CENPI: variants seen among roughly 807,000 people sequenced by gnomAD.
The protein encoded by CENPI is FSH primary response 1.
CENPI carries 4 observed loss-of-function variants against 60.4 expected under a neutral mutation model. The ratio of observed to expected loss-of-function variants is 0.07; its 90% CI spans 0.03 to 0.15. The LOEUF is 0.15. CENPI is among the 10% of genes least tolerant of loss of function. The pLI is 1.00. For synonymous variants in CENPI, 157 were observed against 189.4 expected, an observed-to-expected ratio of 0.83 and a Z score of 1.40; for missense variants, 444 against 534.5, an observed-to-expected ratio of 0.83 and a Z score of 1.67.
chrX:101,108,663 GA>G (rs2089514908), intron 4 of CENPI, among the ~76,000 whole-genome samples: 1 of 66,681 alleles, frequency 1.5e-5, no homozygotes, highest in Admixed American at 1.6e-4. Flanking sequence ...TTTTTTTTTT[GA>G]GAGAGGGTCT....
At chrX:101,126,918 G>C in intron 9 of CENPI, 120 bp downstream of exon 9, 1 of 721,937 alleles carries the variant, frequency 1.4e-6, no homozygotes. Flanking sequence ...TAGTATTGTG[G>C]TACTGTTTTG....
Position 101,101,123 on chromosome X carries a change from A to C in CENPI, c.53A>C (p.Gln18Pro). 1.7e-6 allele frequency: 2 copies of C among 1,211,648 alleles called. No individual in the cohort carries two copies. The highest frequency in any genetic ancestry group is 2.2e-6 in the Non-Finnish European group (2 of 895,355). ...KNVQAQNRTSQGSSSFQTTLS... is the reference protein window; with the variant it reads ...KNVQAQNRTSPGSSSFQTTLS... ...GTCCAGGCACAAAACAGGACTTCAC[A>C]AGGTAGTAGTAGTTTTCAGACCACG... Residue 18 changes from glutamine (Q) to proline (P), a missense_variant, in exon 3 of 22, where the codon CAA (glutamine) becomes CCA (proline). By Grantham distance (76) the Gln-to-Pro change is moderately conservative. Coordinates refer to ENST00000682095, the MANE Select transcript of CENPI (RefSeq NM_001386188.2).
At chrX:101,168,376 G>A (rs920469962), downstream of CENPI, among the ~76,000 whole-genome samples, 1 of 111,794 alleles carries the variant, frequency 8.9e-6, no homozygotes, top group Non-Finnish European at 1.9e-5. Context: ...GACCACCCTG[G>A]CCAACATGGC....
chrX:101,107,349 AT>A (rs78907384), intron 4 of CENPI, among the ~76,000 whole-genome samples: 2 of 107,864 alleles, frequency 1.9e-5, no homozygotes, highest in Admixed American at 1.0e-4. Context: ...CATAAAATTC[AT>A]TTTTTTTCTT....
Position 101,163,093 on chromosome X carries a change from C to T in CENPI, c.*126C>T. 1 of 714,188 alleles carries T rather than the reference C, an allele frequency of 1.4e-6. No homozygotes were observed. Among genetic ancestry groups the T allele is most frequent in the Non-Finnish European group, 2.1e-6 (1 of 478,530 alleles). 58.9% of individuals were successfully genotyped at this position (714,188 alleles called of 1,213,427 possible). A position where few individuals can be genotyped will look rare whatever the true frequency, so the allele number is the denominator to read the frequency against. ...CTGCCATCCTCAAGGAGTACTCAGA[C>T]TGGCCTTCTGTTCATGGCTTAGGAG... is the stretch of plus-strand genomic sequence containing the variant. On this transcript the variant is annotated 3_prime_UTR_variant, in exon 22 of 22. Transcript: ENST00000682095.
intron 2 of CENPI, among the ~76,000 whole-genome samples, chrX:101,099,114 CCTTT>C (rs1361775004): frequency 9.1e-6 from 1 of 110,207 alleles, no homozygotes; most frequent in Non-Finnish European, 1.9e-5. Context: ...TTCTTTCTTT[CCTTT>C]CTTTCTTCTT....
At chrX:101,162,706 C>T in intron 21 of CENPI, 127 bp from the exon 22 acceptor site, 10 of 675,228 alleles carry the variant, frequency 1.5e-5, no homozygotes, top group South Asian at 2.7e-5. Flanking sequence ...GAGCTCATTT[C>T]CCCCCCGAAC....
intron 16 of CENPI, 77 bp from the exon 17 acceptor site, chrX:101,144,987 A>C: frequency 1.2e-6 from 1 of 866,173 alleles, no homozygotes; most frequent in Non-Finnish European, 1.6e-6. Context: ...ATTTTGCTTT[A>C]TATTATTCAG....
chrX:101,131,917 A>G (rs2089799072), intron 13 of CENPI, among the ~76,000 whole-genome samples: 1 of 112,050 alleles, frequency 8.9e-6, no homozygotes, highest in Non-Finnish European at 1.9e-5. Flanking sequence ...ATTTTTTTAA[A>G]AATATTCTAT....
chrX:101,177,771 C>A, the CENPI span, among the ~76,000 whole-genome samples: 2 of 112,082 alleles, frequency 1.8e-5, no homozygotes, highest in Non-Finnish European at 3.8e-5. Flanking sequence ...CTGCTGGGGG[C>A]AGCAGGATCC....
intron 20 of CENPI, among the ~76,000 whole-genome samples, chrX:101,156,944 A>G (rs1569504173): frequency 9.0e-6 from 1 of 111,410 alleles, no homozygotes; most frequent in Non-Finnish European, 1.9e-5. Flanking sequence ...GCAGTTGCGA[A>G]TTCTGCTGCT....
At chrX:101,140,586 A>C in intron 15 of CENPI, 80 bp from the exon 16 acceptor site, 1 of 693,957 alleles carries the variant, frequency 1.4e-6, no homozygotes, top group Non-Finnish European at 2.2e-6. Flanking sequence ...GGTCCTTTTC[A>C]TCTCTAAGCC....
chrX:101,129,532 ATTC>A (rs60979111), intron 12 of CENPI, among the ~76,000 whole-genome samples: 33,831 of 109,577 alleles, frequency 0.31, 4,286 homozygotes, highest in African/African-American at 0.44. Context: ...TTCCAGGCCA[ATTC>A]TTCTTCTTCT....
the CENPI span, among the ~76,000 whole-genome samples, chrX:101,179,886 T>C: frequency 8.9e-6 from 1 of 112,073 alleles, no homozygotes; most frequent in Non-Finnish European, 1.9e-5. Flanking sequence ...TAATTCTATG[T>C]TTAAATTATT....
At chrX:101,179,675 A>G in the CENPI span, among the ~76,000 whole-genome samples, 6 of 111,073 alleles carry the variant, frequency 5.4e-5, no homozygotes, top group African/African-American at 1.6e-4. Flanking sequence ...CGCCTGCCAC[A>G]TGCCCAGATA....
At chrX:101,146,492 C>G (rs887380390) in intron 18 of CENPI, among the ~76,000 whole-genome samples, 2 of 111,208 alleles carry the variant, frequency 1.8e-5, no homozygotes, top group African/African-American at 6.5e-5. Context: ...AAAAAAAATT[C>G]ATAGTTAAGG....
At chrX:101,131,001 T>G (rs559034746) in intron 13 of CENPI, among the ~76,000 whole-genome samples, 1 of 111,144 alleles carries the variant, frequency 9.0e-6, no homozygotes, top group Admixed American at 9.7e-5. Flanking sequence ...AATTCTTTGT[T>G]TTTTTTTAGA....
chrX:101,106,236 CAAG>C (rs1375782428), intron 4 of CENPI, among the ~76,000 whole-genome samples: 1 of 111,335 alleles, frequency 9.0e-6, no homozygotes, highest in African/African-American at 3.3e-5. Context: ...ACAAGAAAAA[CAAG>C]AAACCACAAG....
At chrX:101,113,687 A>G (rs973793808) in intron 6 of CENPI, among the ~76,000 whole-genome samples, 1 of 112,116 alleles carries the variant, frequency 8.9e-6, no homozygotes, top group South Asian at 3.7e-4. Flanking sequence ...TTGTTTTTGC[A>G]TCTCACACCT....
Sources: allele counts gnomAD v4.1 joint callset (sites outside exome capture counted in the v4.1 genomes callset), GRCh38; gene constraint gnomAD v4.1.1; transcripts MANE v1.5; gene names NCBI Gene and HGNC (gene_info 2026-07-23, HGNC 2026-07-21).